BAZ2B: variants seen among roughly 807,000 people sequenced by gnomAD.
The protein encoded by BAZ2B is bromodomain adjacent to zinc finger domain protein 2B.
Under a neutral mutation model 246.0 loss-of-function variants are expected in BAZ2B, and 91 were observed. The ratio of observed to expected loss-of-function variants is 0.37; its 90% CI spans 0.31 to 0.44. The LOEUF is 0.44. Among genes scored for constraint, BAZ2B ranks in the 20% least tolerant of loss-of-function variants. BAZ2B has a pLI of 1.00. For missense variants in BAZ2B, 2,332 were observed against 2,533.7 expected (o/e 0.92, Z 1.71); for synonymous variants, 855 against 860.0 (o/e 0.99, Z 0.10).
At chr2:159,682,304 C>G in the BAZ2B span, among the ~76,000 whole-genome samples, 1 of 151,638 alleles carries the variant, frequency 6.6e-6, no homozygotes, top group Non-Finnish European at 1.5e-5. Context: ...CTTCAGCCTC[C>G]CCAGTGGCTG....
At chr2:159,614,753 A>G (rs1695510789) in intron 1 of BAZ2B, among the ~76,000 whole-genome samples, 1 of 152,196 alleles carries the variant, frequency 6.6e-6, no homozygotes, top group Non-Finnish European at 1.5e-5. Context: ...TGATTTTGAG[A>G]GCAAAACACA....
intron 3 of BAZ2B, among the ~76,000 whole-genome samples, chr2:159,455,772 T>TTTG (rs1231372161): frequency 4.1e-5 from 6 of 145,482 alleles, no homozygotes; most frequent in Non-Finnish European, 7.6e-5. Context: ...GGTTTTTTTT[T>TTTG]TTTTTTTTTT....
chr2:159,623,361 C>T, the BAZ2B span, among the ~76,000 whole-genome samples: 5 of 151,934 alleles, frequency 3.3e-5, no homozygotes, highest in East Asian at 9.6e-4. Context: ...ATGCAAGACC[C>T]TGTCTCAGAA....
In BAZ2B at chr2:159,375,663, G is replaced by A. The variant is rs371117747; in HGVS notation, c.4006-910C>T. ...ACTAGCTAACAGATTAGAGAAGGAG[G>A]GATATGGTTCTTACTAGCATAAAAG... On this transcript the variant is annotated intron_variant, in intron 25 of 36. Transcript: ENST00000392783. 2.6e-5 allele frequency among the ~76,000 whole-genome samples: 4 copies of A among 152,040 alleles called. No individual in the cohort carries two copies. In the East Asian group the frequency reaches 7.7e-4, roughly 29 times the overall value.
chr2:159,336,647 A>G (rs2065717417), intron 33 of BAZ2B, among the ~76,000 whole-genome samples: 1 of 152,206 alleles, frequency 6.6e-6, no homozygotes, highest in Non-Finnish European at 1.5e-5. Context: ...AACAGCCTTC[A>G]AGATTTAGAT....
Position 159,467,451 on chromosome 2 carries a change from G to A in BAZ2B, c.145+11124C>T, listed in dbSNP as rs545199305. 8.5e-5 allele frequency among the ~76,000 whole-genome samples: 13 copies of A among 152,230 alleles called. No individual in the cohort carries two copies. The South Asian group carries it at 1.2e-3, about 15-fold the overall frequency. ...CCAGGTTTCTGGAGCAGGAAGCTGCGGGGGCCAGTGCAAGGGGAGGTATTT... is the reference window on the plus strand; with the variant it reads ...CCAGGTTTCTGGAGCAGGAAGCTGCAGGGGCCAGTGCAAGGGGAGGTATTT... On this transcript the variant is annotated intron_variant, in intron 3 of 36. Transcript: ENST00000392783.
intron 9 of BAZ2B, among the ~76,000 whole-genome samples, 172 bp downstream of exon 9, chr2:159,432,585 G>T (rs1219767614): frequency 1.3e-5 from 2 of 152,128 alleles, no homozygotes; most frequent in Non-Finnish European, 2.9e-5. Flanking sequence ...ATCTGACTTA[G>T]GATTTCCAGT....
intron 1 of BAZ2B, among the ~76,000 whole-genome samples, chr2:159,569,226 G>C (rs1317751628): frequency 6.6e-6 from 1 of 152,036 alleles, no homozygotes; most frequent in Admixed American, 6.5e-5. Context: ...GCTAGTGAAT[G>C]AAACAAGCAT....
intron 1 of BAZ2B, among the ~76,000 whole-genome samples, chr2:159,579,696 T>C (rs1686253122): frequency 6.6e-6 from 1 of 151,980 alleles, no homozygotes; most frequent in Non-Finnish European, 1.5e-5. Flanking sequence ...GCAAACTGAA[T>C]CCAGCAGCAA....
chr2:159,566,970 G>T (rs576410310), intron 1 of BAZ2B, among the ~76,000 whole-genome samples: 7 of 152,176 alleles, frequency 4.6e-5, no homozygotes, highest in African/African-American at 1.7e-4. Flanking sequence ...GGGGCCGGGC[G>T]TGGTGGCTCA....
chr2:159,469,607 T>G (rs1002268863), intron 3 of BAZ2B, among the ~76,000 whole-genome samples: 3 of 151,940 alleles, frequency 2.0e-5, no homozygotes, highest in Non-Finnish European at 4.4e-5. Context: ...GGCTAATTTT[T>G]TATATATATT....
chr2:159,366,743 G>T (rs1284721435), intron 27 of BAZ2B, among the ~76,000 whole-genome samples: 3 of 152,196 alleles, frequency 2.0e-5, no homozygotes, highest in Non-Finnish European at 2.9e-5. Context: ...CAGCCAGATT[G>T]CTCATGGGAG....
chr2:159,484,818 G>A (rs918982042), intron 2 of BAZ2B, among the ~76,000 whole-genome samples: 11 of 151,710 alleles, frequency 7.3e-5, no homozygotes, highest in Non-Finnish European at 7.4e-5. Flanking sequence ...GCCATATACC[G>A]TCAAGAAAAG....
At chr2:159,439,261 C>A in intron 6 of BAZ2B, 49 bp from the exon 7 acceptor site, 1 of 1,482,734 alleles carries the variant, frequency 6.7e-7, no homozygotes, top group South Asian at 1.2e-5. Context: ...GGAAAACATT[C>A]AAGTTTCAAT....
intron 25 of BAZ2B, among the ~76,000 whole-genome samples, chr2:159,382,315 TA>T (rs532136326): frequency 2.8e-4 from 43 of 152,284 alleles, no homozygotes; most frequent in African/African-American, 9.6e-4. Context: ...GAAATTATAT[TA>T]AAAAAACTTC....
At chr2:159,519,051 C>G (rs900370723) in intron 2 of BAZ2B, among the ~76,000 whole-genome samples, 1 of 152,050 alleles carries the variant, frequency 6.6e-6, no homozygotes, top group African/African-American at 2.4e-5. Flanking sequence ...AACATTTCCT[C>G]AGTGCAAGCC....
chr2:159,394,453 TAG>T (rs764160960), intron 20 of BAZ2B, among the ~76,000 whole-genome samples: 28 of 152,110 alleles, frequency 1.8e-4, no homozygotes, highest in Non-Finnish European at 3.1e-4. Flanking sequence ...ATGTTAGGTA[TAG>T]AGGGTGTCAA....
chr2:159,354,521 C>T (rs2058884656), intron 27 of BAZ2B, among the ~76,000 whole-genome samples: 3 of 151,946 alleles, frequency 2.0e-5, no homozygotes, highest in Non-Finnish European at 1.5e-5. Context: ...TGGCTAATTT[C>T]TGTATTTTCA....
chr2:159,544,739 G>A (rs1239782305), intron 2 of BAZ2B, among the ~76,000 whole-genome samples: 2 of 152,166 alleles, frequency 1.3e-5, no homozygotes, highest in Non-Finnish European at 1.5e-5. Flanking sequence ...GATTGGCATT[G>A]GGTAAGGAGA....
Sources: gnomAD v4.1 joint callset for allele counts (sites outside exome capture counted in the v4.1 genomes callset) on GRCh38, gnomAD v4.1.1 for gene constraint, MANE v1.5 for transcripts, NCBI Gene and HGNC (gene_info 2026-07-23, HGNC 2026-07-21) for gene names.